CBLL1: variants seen among roughly 807,000 people sequenced by gnomAD.
The protein encoded by CBLL1 is Cbl proto-oncogene like 1, also known as E3 ubiquitin-protein ligase Hakai.
Under a neutral mutation model 44.9 loss-of-function variants are expected in CBLL1, and 4 were observed. The ratio of observed to expected loss-of-function variants is 0.09; its 90% CI spans 0.04 to 0.20. CBLL1 has a LOEUF of 0.20. CBLL1 is among the 10% of genes least tolerant of loss of function. CBLL1 has a pLI of 1.00. For synonymous variants in CBLL1, 235 were observed against 202.2 expected, an observed-to-expected ratio of 1.16 and a Z score of -1.38; for missense variants, 569 against 636.7, an observed-to-expected ratio of 0.89 and a Z score of 1.14.
rs759585184 is a variant in CBLL1 at position 107,748,915 on chromosome 7, T to G, written c.49T>G (p.Leu17Val). The G allele has an allele frequency of 6.2e-7, 1 of 1,613,596 alleles. No individual in the cohort carries two copies. The highest frequency in any genetic ancestry group is 1.7e-5 in the Admixed American group (1 of 59,936). Residue 17 changes from leucine (L) to valine (V), a missense_variant, in exon 2 of 6, where the codon TTG becomes GTG. Leu to Val is a conservative substitution (Grantham distance 32). Coordinates refer to ENST00000440859, the MANE Select transcript of CBLL1 (RefSeq NM_024814.4). Reference protein sequence around the residue: ...ELQGTNSSGSLGGLDVRRRIP... With the variant: ...ELQGTNSSGSVGGLDVRRRIP... ...ACAAGGCACTAATAGTTCTGGATCC[T>G]TGGGTGGTCTTGATGTTCGCAGACG...
chr7:107,749,009 T>C lies in CBLL1; in HGVS notation c.143T>C (p.Ile48Thr). 6.2e-7 allele frequency: 1 copy of C among 1,614,198 alleles called. No individual in the cohort carries two copies. The highest frequency in any genetic ancestry group is 8.5e-7 in the Non-Finnish European group (1 of 1,180,014). The change falls in exon 2 of 6, where the codon ATA becomes ACA. Residue 48 changes from isoleucine (I) to threonine (T), a missense_variant. Physicochemically the swap from Ile to Thr is moderately conservative, Grantham distance 89 (BLOSUM62 -1). This residue lies in a region of CBLL1 where 209 missense variants were observed against 202.8 expected (regional missense o/e 1.03). Transcript: ENST00000440859. ...CCTGCACCGCGAACTCAAAGAACTA[T>C]AAACAGGATGCCTGCAAAGGCTCCA... ...AKPAPRTQRT[I>T]NRMPAKAPPG...
At position 107,760,499 on chromosome 7, in the gene CBLL1, T is replaced by A. The variant is rs1025373331; in HGVS notation, c.*1321T>A. 6.6e-6 allele frequency: 1 copy of A among 152,230 alleles called. No homozygotes were observed. Among genetic ancestry groups the A allele is most frequent in the Non-Finnish European group, 1.5e-5 (1 of 67,948 alleles). The allele number at this position is 152,230 out of a possible 1,614,324, so 9.4% of individuals were successfully genotyped here. On this transcript the variant is annotated 3_prime_UTR_variant, in exon 6 of 6. Transcript: ENST00000440859. Reference sequence around the variant, plus strand: ...TTTACATGGTGCCTTTCGAGTCAGCTTTTACATTATAGGGGCTTGTTATAG... The same window carrying A: ...TTTACATGGTGCCTTTCGAGTCAGCATTTACATTATAGGGGCTTGTTATAG...
rs779472431 is a variant in CBLL1 at position 107,749,037 on chromosome 7, T to C, written c.171T>C (p.Pro57=). The C allele has an allele frequency of 6.2e-7, 1 of 1,613,766 alleles. No individual in the cohort carries two copies. Among genetic ancestry groups the C allele is most frequent in the East Asian group, 2.2e-5 (1 of 44,862 alleles). ...TINRMPAKAP[P]GDEEGFDYNE... is the part of the protein sequence containing the mutation. Reference sequence around the variant, plus strand: ...ACAGGATGCCTGCAAAGGCTCCACCTGGTGATGAAGGTAATTTGTTTAACT... The same window carrying C: ...ACAGGATGCCTGCAAAGGCTCCACCCGGTGATGAAGGTAATTTGTTTAACT... Residue 57 remains proline, a synonymous_variant, in exon 2 of 6, where the codon CCT becomes CCC. Coordinates refer to ENST00000440859, the MANE Select transcript of CBLL1 (RefSeq NM_024814.4).
chr7:107,753,871 A>AT (rs746376956), intron 3 of CBLL1, 24 bp from the exon 4 acceptor site: 2 of 1,442,624 alleles, frequency 1.4e-6, no homozygotes, highest in South Asian at 2.5e-5. Context: ...TAAGAAGGTA[A>AT]TTTTAATTAT....
chr7:107,751,299 A>C (rs769657164), intron 2 of CBLL1, among the ~76,000 whole-genome samples: 16 of 152,176 alleles, frequency 1.1e-4, no homozygotes, highest in Non-Finnish European at 2.4e-4. Context: ...GGCAGAGGTC[A>C]AGTGGTAATG....
chr7:107,754,436 A>T (rs2115678881), intron 4 of CBLL1, among the ~76,000 whole-genome samples: 1 of 152,172 alleles, frequency 6.6e-6, no homozygotes, highest in South Asian at 2.1e-4. Context: ...CATTAAAAAA[A>T]TTTTACAATC....
intron 1 of CBLL1, 193 bp downstream of exon 1, chr7:107,744,369 C>T (rs1562856511): frequency 1.6e-6 from 1 of 628,044 alleles, no homozygotes; most frequent in Non-Finnish European, 2.5e-6. Context: ...GGTGTGGTAC[C>T]TACCTCCTCC....
chr7:107,754,738 A>G (rs1192941101), intron 4 of CBLL1, among the ~76,000 whole-genome samples: 2 of 152,144 alleles, frequency 1.3e-5, no homozygotes, highest in East Asian at 3.8e-4. Flanking sequence ...TAAATATAGG[A>G]CATACTTGTT....
intron 1 of CBLL1, among the ~76,000 whole-genome samples, chr7:107,748,252 A>C (rs539571565): frequency 6.6e-6 from 1 of 152,210 alleles, no homozygotes; most frequent in African/African-American, 2.4e-5. Flanking sequence ...GAACTCAGTC[A>C]CATGTTATAG....
rs1793656692 is a variant in CBLL1 at position 107,759,019 on chromosome 7, G to A, written c.1317G>A (p.Leu439=). The change falls in exon 6 of 6, where the codon CTG becomes CTA. Residue 439 remains leucine, a synonymous_variant. Transcript: ENST00000440859. The part of the protein sequence containing the change: ...LPQFTEDQGT[L]SPPFTQPGGM... Reference sequence around the variant, plus strand: ...AGTTCACTGAAGATCAAGGAACTCTGAGCCCTCCATTTACACAACCAGGGG... The same window carrying A: ...AGTTCACTGAAGATCAAGGAACTCTAAGCCCTCCATTTACACAACCAGGGG... 3 of 1,613,796 alleles carry A rather than the reference G, an allele frequency of 1.9e-6. No homozygotes were observed. The highest frequency in any genetic ancestry group is 2.5e-6 in the Non-Finnish European group (3 of 1,179,960).
chr7:107,754,973 A>G (rs1310496865), intron 4 of CBLL1, among the ~76,000 whole-genome samples: 1 of 152,004 alleles, frequency 6.6e-6, no homozygotes, highest in East Asian at 1.9e-4. Flanking sequence ...ATAAAATAAA[A>G]TAATTAGCCT....
intron 2 of CBLL1, among the ~76,000 whole-genome samples, chr7:107,749,936 A>AT (rs1554370354): frequency 1.7e-4 from 9 of 54,096 alleles, no homozygotes; most frequent in African/African-American, 1.5e-4. Flanking sequence ...GTGTATATAT[A>AT]TTTTTTTGTT....
At position 107,753,470 on chromosome 7, in the gene CBLL1, A is replaced by C. The variant is rs760462656; in HGVS notation, c.241A>C (p.Asn81His). The change falls in exon 3 of 6, where the codon AAT becomes CAT. Residue 81 changes from asparagine (N) to histidine (H), a missense_variant. This residue lies in a region of CBLL1 where 209 missense variants were observed against 202.8 expected (regional missense o/e 1.03). Coordinates refer to ENST00000440859, the MANE Select transcript of CBLL1 (RefSeq NM_024814.4). ...CTGTAAAGGGGGTGAGCTGTTTGCA[A>C]ATCAGCGAAGATTTCCTGGACACCT... The part of the protein sequence containing the change: ...YDCKGGELFA[N>H]QRRFPGHLFW... The C allele has an allele frequency of 6.3e-6, 10 of 1,592,188 alleles. No homozygotes were observed. Among genetic ancestry groups the C allele is most frequent in the Non-Finnish European group, 8.5e-6 (10 of 1,171,552 alleles).
chr7:107,758,660 C>T lies in CBLL1; in HGVS notation c.958C>T (p.Pro320Ser), dbSNP rs1362885098. The T allele has an allele frequency of 5.0e-6, 8 of 1,614,026 alleles. No individual in the cohort carries two copies. Among genetic ancestry groups the T allele is most frequent in the Non-Finnish European group, 6.8e-6 (8 of 1,179,974 alleles). Residue 320 changes from proline to serine, a missense_variant, in exon 6 of 6, where the codon CCT (proline) becomes TCT (serine). Transcript: ENST00000440859. This position sits in a 1 kb window ranked among gnomAD's most constrained non-coding sequence, Gnocchi z 4.2. ...PPAPAPAHHH[P>S]EYQGQPVVSH... ...TGCCCCAGCACCTGCTCACCATCAT[C>T]CTGAATATCAGGGTCAACCAGTGGT...
chr7:107,757,383 A>G (rs1397914687), intron 5 of CBLL1, among the ~76,000 whole-genome samples: 1 of 152,180 alleles, frequency 6.6e-6, no homozygotes, highest in Non-Finnish European at 1.5e-5. Flanking sequence ...AGCCAATACC[A>G]GATCCCAAGA....
chr7:107,749,601 CT>C (rs35477663), intron 2 of CBLL1, among the ~76,000 whole-genome samples: 34,988 of 138,346 alleles, frequency 0.25, 4,720 homozygotes, highest in South Asian at 0.46. Context: ...CAGATTTGGC[CT>C]TTTTTTTTTT....
intron 1 of CBLL1, 79 bp downstream of exon 1, chr7:107,744,255 G>C (rs1792883956): frequency 1.4e-6 from 2 of 1,448,686 alleles, no homozygotes; most frequent in Non-Finnish European, 1.8e-6. Context: ...GCAGGCAAAA[G>C]GGATTATGCT....
intron 4 of CBLL1, 61 bp downstream of exon 4, chr7:107,754,039 A>G (rs1260329251): frequency 9.6e-7 from 1 of 1,039,416 alleles, no homozygotes; most frequent in African/African-American, 1.6e-5. Flanking sequence ...GGGTTCTGAA[A>G]TTTAGATAGG....
chr7:107,753,645 CA>C (rs1473793906), intron 3 of CBLL1, 134 bp downstream of exon 3: 4 of 577,354 alleles, frequency 6.9e-6, no homozygotes, highest in Admixed American at 7.5e-5. Context: ...TCAGCACATA[CA>C]AATCATTTGT....
Sources: gnomAD v4.1 joint callset for allele counts (sites outside exome capture counted in the v4.1 genomes callset) on GRCh38, gnomAD v4.1.1 for gene constraint, gnomAD v4.1.1 regional missense constraint, Gnocchi (gnomAD v3.1) non-coding constraint, MANE v1.5 for transcripts, NCBI Gene and HGNC (gene_info 2026-07-23, HGNC 2026-07-21) for gene names.